NTN5: variants seen among roughly 807,000 people sequenced by gnomAD.
The protein encoded by NTN5 is netrin 5.
NTN5 carries 42 observed loss-of-function variants against 38.7 expected under a neutral mutation model. That is an observed-to-expected ratio of 1.08 (90% confidence interval 0.85 to 1.40). The LOEUF is 1.40. NTN5 is among the 40% of genes most tolerant of loss of function. The probability of loss-of-function intolerance (pLI) is 0.00; values close to 1 mark genes in which losing one functional copy is unlikely to be tolerated. For synonymous variants in NTN5, 329 were observed against 303.9 expected, an observed-to-expected ratio of 1.08 and a Z score of -0.86; for missense variants, 658 against 716.5, an observed-to-expected ratio of 0.92 and a Z score of 0.93.
Position 48,665,119 on chromosome 19 carries a change from T to G in NTN5, c.632-352A>C, listed in dbSNP as rs1444212181. The stretch of plus-strand genomic sequence containing the variant: ...TTGTATTTTTAGTAGAGACGGGGTT[T>G]CACCGTGTTAGCCAGGATGGTCTCA... On this transcript the variant is annotated intron_variant, in intron 2 of 6. Transcript: ENST00000270235. Among the ~76,000 whole-genome samples the G allele has an allele frequency of 2.0e-5, 3 of 151,348 alleles. No individual in the cohort carries two copies. In the East Asian group the frequency reaches 5.8e-4, roughly 29 times the overall value.
intron 1 of NTN5, among the ~76,000 whole-genome samples, chr19:48,671,503 A>T (rs2122148173): frequency 6.6e-6 from 1 of 152,200 alleles, no homozygotes; most frequent in East Asian, 1.9e-4. Flanking sequence ...AGAGGAACAG[A>T]CAGGAGGCTG....
In NTN5 at chr19:48,661,821, C is replaced by T. The variant is rs1435104018; in HGVS notation, c.1326G>A (p.Thr442=). Residue 442 remains threonine (T), a synonymous_variant, in exon 7 of 7, where the codon ACG becomes ACA. Coordinates refer to ENST00000270235, the MANE Select transcript of NTN5 (RefSeq NM_145807.4). ...GGCCGTGGCGGTCGAGGATGAGGCG[C>T]GTGGGGTCGGGGTCGCCCACGGCGC... is the stretch of plus-strand genomic sequence containing the variant. ...LGSAVGDPDP[T]RLILDRHGLA... is the part of the protein sequence containing the mutation. 53 of 1,340,318 alleles carry T rather than the reference C, an allele frequency of 4.0e-5. No individual in the cohort carries two copies. The highest frequency in any genetic ancestry group is 4.9e-5 in the Non-Finnish European group (52 of 1,051,700). The allele number at this position is 1,340,318 out of a possible 1,614,324, so 83.0% of individuals were successfully genotyped here. A position where few individuals can be genotyped will look rare whatever the true frequency, so the allele number is the denominator to read the frequency against.
At chr19:48,670,326 G>A (rs774965216) in intron 2 of NTN5, 30 bp downstream of exon 2, 45 of 1,388,286 alleles carry the variant, frequency 3.2e-5, no homozygotes, top group Non-Finnish European at 3.8e-5. Context: ...GGCAGGCAAA[G>A]GCAGGGAGAG....
chr19:48,662,387 TA>T (rs1435213866), intron 6 of NTN5: 1 of 205,394 alleles, frequency 4.9e-6, no homozygotes, highest in Non-Finnish European at 9.7e-6. Context: ...GGCTCTGGGA[TA>T]AATTTCGAGG....
chr19:48,670,939 C>T lies in NTN5; in HGVS notation c.48G>A (p.Ala16=), dbSNP rs1041929398. 9 of 1,576,554 alleles carry T rather than the reference C, an allele frequency of 5.7e-6. No individual in the cohort carries two copies. Among genetic ancestry groups the T allele is most frequent in the African/African-American group, 2.7e-5 (2 of 74,132 alleles). Residue 16 remains alanine (A), a synonymous_variant, in exon 2 of 7, where the codon GCG becomes GCA. Coordinates refer to ENST00000270235, the MANE Select transcript of NTN5 (RefSeq NM_145807.4). ...GGCCCTGTGGATCGTAGCATGGGTC[C>T]GCAGTGGCCTGGCCCAGGAGGAGCA... is the stretch of plus-strand genomic sequence containing the variant. ...ALLLLLGQAT[A]DPCYDPQGRP...
intron 1 of NTN5, 55 bp downstream of exon 1, chr19:48,672,877 G>A (rs2031997332): frequency 5.2e-6 from 1 of 191,058 alleles, no homozygotes. Flanking sequence ...TCCTTTCCCT[G>A]GCTCTTGGCA....
rs1327262082 is a variant in NTN5, at chr19:48,670,602, G to C, written c.385C>G (p.Pro129Ala). 1.3e-6 allele frequency: 2 copies of C among 1,591,434 alleles called. No homozygotes were observed. Among genetic ancestry groups the C allele is most frequent in the Non-Finnish European group, 1.7e-6 (2 of 1,169,630 alleles). Residue 129 changes from proline (P) to alanine (A), a missense_variant, in exon 2 of 7, where the codon CCT becomes GCT. Physicochemically the swap from Pro to Ala is conservative, Grantham distance 27. Transcript: ENST00000270235. ...TGGCTGGCCGCCACAGTGGCCTTAG[G>C]ACCTGGTGTGGAGTGGAAGGTCACC... The part of the protein sequence containing the change: ...ERVTFHSTPG[P>A]KATVAASHLR...
At chr19:48,671,877 G>T (rs2031972429) in intron 1 of NTN5, among the ~76,000 whole-genome samples, 1 of 133,584 alleles carries the variant, frequency 7.5e-6, no homozygotes, top group Non-Finnish European at 1.6e-5. Context: ...AAAGCCCAGA[G>T]AGCTGAGCTG....
chr19:48,670,135 T>C (rs1319947958), intron 2 of NTN5, among the ~76,000 whole-genome samples: 3 of 151,816 alleles, frequency 2.0e-5, no homozygotes, highest in Non-Finnish European at 4.4e-5. Flanking sequence ...CTGATGAGTG[T>C]TGGGGAGAGG....
intron 2 of NTN5, among the ~76,000 whole-genome samples, chr19:48,667,770 G>A (rs2031742517): frequency 6.6e-6 from 1 of 152,080 alleles, no homozygotes; most frequent in Non-Finnish European, 1.5e-5. Context: ...ATAAGAGAAT[G>A]GCTTGAACCC....
chr19:48,663,419 A>T, intron 6 of NTN5, 44 bp downstream of exon 6: 1 of 1,556,900 alleles, frequency 6.4e-7, no homozygotes, highest in Non-Finnish European at 8.9e-7. Context: ...CAGTCATCAG[A>T]ACCAGCTGTG....
intron 2 of NTN5, among the ~76,000 whole-genome samples, chr19:48,669,933 CTACCAT>C (rs2031897226): frequency 1.1e-5 from 1 of 94,184 alleles, no homozygotes; most frequent in Non-Finnish European, 2.2e-5. Flanking sequence ...ATCATCACCA[CTACCAT>C]CACCATCACC....
rs745956709 is a variant in NTN5 at position 48,661,788 on chromosome 19, C to A, written c.1359G>T (p.Leu453=). ...RLILDRHGLA[L]PWRPRWARPL... ...GCCGGGCCCAGCGCGGCCTCCATGGCAGCGCGAGGCCGTGGCGGTCGAGGA... is the reference window on the plus strand; with the variant it reads ...GCCGGGCCCAGCGCGGCCTCCATGGAAGCGCGAGGCCGTGGCGGTCGAGGA... The change falls in exon 7 of 7, where the codon CTG becomes CTT. Residue 453 remains leucine, a synonymous_variant. Transcript: ENST00000270235. 3 of 1,387,938 alleles carry A rather than the reference C, an allele frequency of 2.2e-6. No homozygotes were observed. The highest frequency in any genetic ancestry group is 2.8e-6 in the Non-Finnish European group (3 of 1,079,364). 86.0% of individuals were successfully genotyped at this position (1,387,938 alleles called of 1,614,324 possible).
intron 2 of NTN5, among the ~76,000 whole-genome samples, chr19:48,670,014 TCAC>T (rs200692697): frequency 1.6e-4 from 16 of 99,724 alleles, no homozygotes; most frequent in Middle Eastern, 0.014. Flanking sequence ...ACCACCATCA[TCAC>T]CACCACCATC....
rs771539159 is a variant in NTN5 at position 48,670,432 on chromosome 19, C to G, written c.555G>C (p.Gly185=). ...GATGGGACGGGCGGCAGCTCTCGCA[C>G]CCCGGGCCAGTGGTATGGTGGCGGC... is the stretch of plus-strand genomic sequence containing the variant. The part of the protein sequence containing the change: ...CHCRHHTTGP[G]CESCRPSHRD... Residue 185 remains glycine (G), a synonymous_variant, in exon 2 of 7, where the codon GGG becomes GGC. Coordinates refer to ENST00000270235, the MANE Select transcript of NTN5 (RefSeq NM_145807.4). 1.6e-5 allele frequency: 23 copies of G among 1,460,698 alleles called. 1 individual carries two copies. The South Asian group carries it at 3.3e-4, about 21-fold the overall frequency. The allele number at this position is 1,460,698 out of a possible 1,614,324, so 90.5% of individuals were successfully genotyped here.
intron 6 of NTN5, chr19:48,663,042 GAT>G: frequency 2.7e-6 from 1 of 373,526 alleles, no homozygotes; most frequent in Non-Finnish European, 5.3e-6. Flanking sequence ...GTGGACTGGG[GAT>G]TAGGGAACCG....
chr19:48,670,443 T>C lies in NTN5; in HGVS notation c.544A>G (p.Thr182Ala), dbSNP rs1401508146. ...PPRCHCRHHT[T>A]GPGCESCRPS... ...CGGCAGCTCTCGCACCCCGGGCCAG[T>C]GGTATGGTGGCGGCAGTGGCAGCGG... Residue 182 changes from threonine (T) to alanine (A), a missense_variant, in exon 2 of 7, where the codon ACT (threonine) becomes GCT (alanine). Coordinates refer to ENST00000270235, the MANE Select transcript of NTN5 (RefSeq NM_145807.4). 16 of 1,468,644 alleles carry C rather than the reference T, an allele frequency of 1.1e-5. No homozygotes were observed. The Admixed American group carries it at 4.2e-4, about 39-fold the overall frequency. 91.0% of individuals were successfully genotyped at this position (1,468,644 alleles called of 1,614,324 possible).
At chr19:48,669,864 TCAC>T (rs1568452647) in intron 2 of NTN5, among the ~76,000 whole-genome samples, 1 of 43,916 alleles carries the variant, frequency 2.3e-5, no homozygotes, top group African/African-American at 8.4e-5. Flanking sequence ...ACCACCACCA[TCAC>T]CATCATCACC....
intron 2 of NTN5, among the ~76,000 whole-genome samples, chr19:48,665,360 C>T (rs1442805073): frequency 2.7e-5 from 4 of 149,932 alleles, no homozygotes; most frequent in Non-Finnish European, 5.9e-5. Flanking sequence ...CTCCTGAACC[C>T]GGGAGGTGGA....
Sources: gnomAD v4.1 joint callset for allele counts (sites outside exome capture counted in the v4.1 genomes callset) on GRCh38, gnomAD v4.1.1 for gene constraint, MANE v1.5 for transcripts, NCBI Gene and HGNC (gene_info 2026-07-23, HGNC 2026-07-21) for gene names.